Variants in UBE2D3 observed in about 807,000 individuals in gnomAD.
UBE2D3 encodes the protein ubiquitin-conjugating enzyme E2 D3.
Under a neutral mutation model 22.8 loss-of-function variants are expected in UBE2D3, and 2 were observed. The ratio of observed to expected loss-of-function variants is 0.09; its 90% CI spans 0.04 to 0.28. The LOEUF (loss-of-function observed/expected upper bound fraction) is 0.28. Among genes scored for constraint, UBE2D3 ranks in the 10% least tolerant of loss-of-function variants. UBE2D3 has a pLI of 1.00. For synonymous variants in UBE2D3, 56 were observed against 60.4 expected, an observed-to-expected ratio of 0.93 and a Z score of 0.34; for missense variants, 27 against 182.5, an observed-to-expected ratio of 0.15 and a Z score of 4.91.
chr4:102,804,363 T>C (rs938633982), intron 4 of UBE2D3, among the ~76,000 whole-genome samples: 3 of 151,988 alleles, frequency 2.0e-5, no homozygotes, highest in East Asian at 2.0e-4. Context: ...GGCTTCACCA[T>C]GTTGGCTGAA....
upstream of UBE2D3, among the ~76,000 whole-genome samples, chr4:102,832,142 A>G (rs1731147073): frequency 6.6e-6 from 1 of 152,174 alleles, no homozygotes; most frequent in Non-Finnish European, 1.5e-5. Flanking sequence ...TGAGGAAGAG[A>G]GTTGTATTAA....
chr4:102,858,770 TAAC>T (rs1185160269), intron 1 of UBE2D3, among the ~76,000 whole-genome samples: 2 of 151,930 alleles, frequency 1.3e-5, no homozygotes, highest in Non-Finnish European at 2.9e-5. Flanking sequence ...TTTATGATAA[TAAC>T]AACTTAGATC....
At chr4:102,823,039 G>A (rs1056425308) in intron 2 of UBE2D3, among the ~76,000 whole-genome samples, 2 of 152,170 alleles carry the variant, frequency 1.3e-5, no homozygotes, top group Non-Finnish European at 2.9e-5. Context: ...GTGACTAGAC[G>A]ACTATTTCTC....
At chr4:102,859,120 CTT>C (rs1413393923) in intron 1 of UBE2D3, among the ~76,000 whole-genome samples, 1 of 151,874 alleles carries the variant, frequency 6.6e-6, no homozygotes, top group Non-Finnish European at 1.5e-5. Flanking sequence ...ACTCCCTCAG[CTT>C]TTGTTTTTGT....
intron 1 of UBE2D3, among the ~76,000 whole-genome samples, chr4:102,863,289 G>A (rs1732988072): frequency 6.6e-6 from 1 of 152,020 alleles, no homozygotes; most frequent in African/African-American, 2.4e-5. Flanking sequence ...GACGTCAGGT[G>A]AGCCACCCAC....
rs1358837157 is a variant in UBE2D3 at position 102,797,193 on chromosome 4, T to C, written c.*222A>G. ...TCTGAGTCTTGGGCAACTGTTCTCT[T>C]GTAACTACTTTACAGTTTCTAAAAG... is the stretch of plus-strand genomic sequence containing the variant. On this transcript the variant is annotated 3_prime_UTR_variant, in exon 8 of 8. Transcript: ENST00000453744. 1.2e-5 allele frequency: 5 copies of C among 421,454 alleles called. No homozygotes were observed. The Admixed American group carries it at 1.2e-4, about 10-fold the overall frequency. 26.1% of individuals were successfully genotyped at this position (421,454 alleles called of 1,614,324 possible).
At chr4:102,830,013 A>T (rs1731033851), upstream of UBE2D3, among the ~76,000 whole-genome samples, 1 of 152,246 alleles carries the variant, frequency 6.6e-6, no homozygotes. Flanking sequence ...TCACAAACTC[A>T]TTATTGTTAG....
chr4:102,845,594 TA>T (rs1378198124), intron 1 of UBE2D3, among the ~76,000 whole-genome samples: 2 of 152,176 alleles, frequency 1.3e-5, no homozygotes, highest in Non-Finnish European at 2.9e-5. Flanking sequence ...CTTCAAATTT[TA>T]CTACAAAACC....
At chr4:102,824,383 C>T (rs1424799738) in intron 2 of UBE2D3, among the ~76,000 whole-genome samples, 2 of 152,200 alleles carry the variant, frequency 1.3e-5, no homozygotes, top group East Asian at 1.9e-4. Context: ...CAAATTTGCA[C>T]ATTAATCCAT....
intron 1 of UBE2D3, among the ~76,000 whole-genome samples, chr4:102,835,831 A>G (rs1394314337): frequency 6.6e-6 from 1 of 152,158 alleles, no homozygotes; most frequent in Non-Finnish European, 1.5e-5. Flanking sequence ...CTTCACCACA[A>G]GTTTCCTTAT....
chr4:102,798,680 G>C (rs1178373651), intron 7 of UBE2D3, among the ~76,000 whole-genome samples: 1 of 147,888 alleles, frequency 6.8e-6, no homozygotes, highest in South Asian at 2.1e-4. Flanking sequence ...AAAAAAAAAA[G>C]ATACTACATA....
In UBE2D3 at chr4:102,813,755, G is replaced by A. The variant is rs142902940; in HGVS notation, c.25-3900C>T. Among the ~76,000 whole-genome samples the A allele has an allele frequency of 5.7e-4, 87 of 152,290 alleles. 2 individuals carry two copies. The East Asian group carries it at 0.016, about 29-fold the overall frequency. On this transcript the variant is annotated intron_variant, in intron 2 of 7. Transcript: ENST00000453744. ...GGCCAGTAACCTGAAAAGTTAAAAA[G>A]AAATAAAGAATGTGAAGAAAGGCTT... is the stretch of plus-strand genomic sequence containing the variant.
At chr4:102,822,771 T>TA (rs1252707464) in intron 2 of UBE2D3, among the ~76,000 whole-genome samples, 4 of 151,458 alleles carry the variant, frequency 2.6e-5, no homozygotes, top group African/African-American at 9.7e-5. Context: ...CTGCCTCTAC[T>TA]AAAAAAACAA....
At chr4:102,841,707 G>A (rs1327735081) in intron 1 of UBE2D3, among the ~76,000 whole-genome samples, 1 of 152,170 alleles carries the variant, frequency 6.6e-6, no homozygotes, top group Non-Finnish European at 1.5e-5. Context: ...CAAGGTGAGT[G>A]ACATATAAAT....
At chr4:102,858,429 A>G (rs1732729492) in intron 1 of UBE2D3, among the ~76,000 whole-genome samples, 1 of 151,920 alleles carries the variant, frequency 6.6e-6, no homozygotes, top group South Asian at 2.1e-4. Flanking sequence ...GACACGTGTG[A>G]TGAACTCTTG....
chr4:102,799,775 T>C (rs889838593), intron 6 of UBE2D3, among the ~76,000 whole-genome samples: 2 of 140,592 alleles, frequency 1.4e-5, no homozygotes, highest in African/African-American at 2.6e-5. Context: ...TATTAATATA[T>C]ATATTTTAAA....
At position 102,794,407 on chromosome 4, in the gene UBE2D3, G is replaced by C. The variant is rs949641035; in HGVS notation, c.*3008C>G. 6.6e-6 allele frequency: 1 copy of C among 152,014 alleles called. No individual in the cohort carries two copies. The highest frequency in any genetic ancestry group is 1.5e-5 in the Non-Finnish European group (1 of 67,980). 9.4% of individuals were successfully genotyped at this position (152,014 alleles called of 1,614,324 possible). On this transcript the variant is annotated 3_prime_UTR_variant, in exon 8 of 8. Transcript: ENST00000453744. ...GTGTCTTTAAACACAGACTTTAATGGTAACAATTCCTTTAAGCTCAATTAA... is the reference window on the plus strand; with the variant it reads ...GTGTCTTTAAACACAGACTTTAATGCTAACAATTCCTTTAAGCTCAATTAA...
intron 1 of UBE2D3, among the ~76,000 whole-genome samples, chr4:102,836,293 C>G (rs901285980): frequency 6.6e-6 from 1 of 151,888 alleles, no homozygotes; most frequent in Non-Finnish European, 1.5e-5. Flanking sequence ...ACTATAGGCA[C>G]TCGCCACCAC....
intron 7 of UBE2D3, among the ~76,000 whole-genome samples, chr4:102,798,256 AAC>A (rs1344575741): frequency 1.4e-5 from 2 of 141,220 alleles, no homozygotes; most frequent in Non-Finnish European, 3.1e-5. Context: ...AACAACAAAA[AAC>A]AGTGATAACC....
Sources: allele counts gnomAD v4.1 joint callset (sites outside exome capture counted in the v4.1 genomes callset), GRCh38; gene constraint gnomAD v4.1.1; transcripts MANE v1.5; gene names NCBI Gene and HGNC (gene_info 2026-07-23, HGNC 2026-07-21).